Variants in GLT1D1 observed in about 807,000 individuals in gnomAD.
GLT1D1 encodes the protein glycosyltransferase 1 domain containing 1, also known as glycosyltransferase 1 domain-containing protein 1.
Under a neutral mutation model 28.7 loss-of-function variants are expected in GLT1D1, and 21 were observed. That is an observed-to-expected ratio of 0.73 (90% CI 0.52 to 1.05). The LOEUF is 1.05. GLT1D1 is among the 50% of genes least tolerant of loss of function. GLT1D1 has a pLI of 0.00. For synonymous variants in GLT1D1, 147 were observed against 124.8 expected, an observed-to-expected ratio of 1.18 and a Z score of -1.19; for missense variants, 343 against 330.6, an observed-to-expected ratio of 1.04 and a Z score of -0.29.
At chr12:128,868,950 A>G (rs1009262826) in intron 1 of GLT1D1, among the ~76,000 whole-genome samples, 2 of 151,954 alleles carry the variant, frequency 1.3e-5, no homozygotes, top group African/African-American at 2.4e-5. Context: ...GCTCACTGCA[A>G]CCACCGCCTG....
chr12:128,913,484 T>C (rs1192054788), intron 4 of GLT1D1, among the ~76,000 whole-genome samples: 4 of 152,192 alleles, frequency 2.6e-5, no homozygotes, highest in Non-Finnish European at 1.5e-5. Flanking sequence ...GCCTCCCAGA[T>C]TGCTGGGGTT....
intron 4 of GLT1D1, among the ~76,000 whole-genome samples, chr12:128,911,210 G>A (rs956545010): frequency 2.6e-5 from 4 of 152,314 alleles, no homozygotes; most frequent in Non-Finnish European, 4.4e-5. Flanking sequence ...GATCATATGG[G>A]TGAGCCACCA....
chr12:128,854,002 G>T (rs1402066244), intron 1 of GLT1D1, among the ~76,000 whole-genome samples: 3 of 151,998 alleles, frequency 2.0e-5, no homozygotes, highest in Non-Finnish European at 4.4e-5. Context: ...AGCGGGGTCC[G>T]CGGAGCTCCC....
chr12:128,931,252 C>T (rs1008212490), intron 4 of GLT1D1, among the ~76,000 whole-genome samples: 2 of 151,886 alleles, frequency 1.3e-5, no homozygotes, highest in African/African-American at 4.8e-5. Context: ...CTGCCTGCCT[C>T]GGCCTCCCAA....
At chr12:128,934,554 A>G (rs536956998) in intron 4 of GLT1D1, among the ~76,000 whole-genome samples, 3 of 152,000 alleles carry the variant, frequency 2.0e-5, no homozygotes, top group African/African-American at 7.2e-5. Flanking sequence ...CCTCTTGTCC[A>G]TTTCTCTCCT....
At chr12:128,901,562 A>G (rs555488366) in intron 4 of GLT1D1, among the ~76,000 whole-genome samples, 96 of 151,370 alleles carry the variant, frequency 6.3e-4, no homozygotes, top group African/African-American at 2.0e-3. Flanking sequence ...TCAGCCTCCC[A>G]AGTAGCTGGG....
At chr12:128,917,658 C>A (rs532061264) in intron 4 of GLT1D1, among the ~76,000 whole-genome samples, 1 of 152,318 alleles carries the variant, frequency 6.6e-6, no homozygotes, top group Admixed American at 6.5e-5. Context: ...CACCCCAAGT[C>A]TGTTTTCATG....
At chr12:128,924,974 A>C (rs911199538) in intron 4 of GLT1D1, among the ~76,000 whole-genome samples, 2 of 152,058 alleles carry the variant, frequency 1.3e-5, no homozygotes, top group Admixed American at 6.5e-5. Flanking sequence ...AAGCAGTCTT[A>C]GTGACAGCTT....
At chr12:128,969,258 T>G (rs925524568) in intron 7 of GLT1D1, among the ~76,000 whole-genome samples, 2 of 151,868 alleles carry the variant, frequency 1.3e-5, no homozygotes, top group African/African-American at 4.8e-5. Context: ...TACCTCTATC[T>G]CAGTCTCTAG....
At position 128,934,196 on chromosome 12, in the gene GLT1D1, G is replaced by GTTTTTTTTTTTTTTTTTTTTTTTT. The variant is rs1410503648; in HGVS notation, c.376-11129_376-11128insTTTTTTTTTTTTTTTTTTTTTTTT. On this transcript the variant is annotated intron_variant, in intron 4 of 7. Transcript: ENST00000281703. ...GACTTACTGTGTCTTCAAAGAGACAGTCTTTTTTTTTTTTTTTTTTTTTTT... is the reference window on the plus strand; with the variant it reads ...GACTTACTGTGTCTTCAAAGAGACAGTTTTTTTTTTTTTTTTTTTTTTTTTCTTTTTTTTTTTTTTTTTTTTTTT... 1.6e-5 allele frequency among the ~76,000 whole-genome samples: 2 copies of GTTTTTTTTTTTTTTTTTTTTTTTT among 128,686 alleles called. 1 individual carries two copies. 84.4% of individuals were successfully genotyped at this position (128,686 alleles called of 152,430 possible).
At chr12:128,890,066 G>A (rs970535404) in intron 3 of GLT1D1, among the ~76,000 whole-genome samples, 1 of 152,180 alleles carries the variant, frequency 6.6e-6, no homozygotes, top group Admixed American at 6.5e-5. Flanking sequence ...GAGATACCGT[G>A]CCCAGCCTGA....
intron 4 of GLT1D1, among the ~76,000 whole-genome samples, chr12:128,933,292 C>T (rs1320123810): frequency 6.6e-6 from 1 of 152,276 alleles, no homozygotes. Context: ...CGCCCGTGCG[C>T]AGGCGGAGCC....
chr12:128,876,861 C>G (rs987507581), intron 2 of GLT1D1, among the ~76,000 whole-genome samples: 3 of 152,192 alleles, frequency 2.0e-5, no homozygotes. Context: ...GGGCCCCAAG[C>G]TTTGGAAGTA....
intron 6 of GLT1D1, among the ~76,000 whole-genome samples, chr12:128,953,440 G>C (rs1876931976): frequency 1.3e-5 from 2 of 152,134 alleles, no homozygotes; most frequent in East Asian, 1.9e-4. Context: ...ATCTCCCAAA[G>C]TGCTGGAATT....
At chr12:128,912,209 T>C (rs2135885388) in intron 4 of GLT1D1, among the ~76,000 whole-genome samples, 1 of 152,340 alleles carries the variant, frequency 6.6e-6, no homozygotes, top group South Asian at 2.1e-4. Context: ...TCTTACCTTA[T>C]AGATGCTGTA....
At chr12:128,978,656 T>A (rs544107353) in intron 7 of GLT1D1, among the ~76,000 whole-genome samples, 1 of 152,262 alleles carries the variant, frequency 6.6e-6, no homozygotes, top group Admixed American at 6.5e-5. Flanking sequence ...CTTGGATCTG[T>A]CGCAAGGAAG....
At chr12:128,865,416 C>T (rs201687559) in intron 1 of GLT1D1, among the ~76,000 whole-genome samples, 9 of 152,110 alleles carry the variant, frequency 5.9e-5, no homozygotes, top group South Asian at 4.1e-4. Flanking sequence ...GATTATATCA[C>T]GGTAATGAAC....
intron 4 of GLT1D1, chr12:128,944,498 C>A: frequency 1.9e-6 from 2 of 1,056,784 alleles, no homozygotes; most frequent in Admixed American, 1.7e-5. Flanking sequence ...CCTGTCAGAG[C>A]ATCAATGCCC....
At chr12:128,978,953 TG>T (rs1389764038) in intron 7 of GLT1D1, among the ~76,000 whole-genome samples, 1 of 152,118 alleles carries the variant, frequency 6.6e-6, no homozygotes, top group Non-Finnish European at 1.5e-5. Flanking sequence ...TTGGTTTTGG[TG>T]GGTTTCCGCT....
Sources: gnomAD v4.1 joint callset for allele counts (sites outside exome capture counted in the v4.1 genomes callset) on GRCh38, gnomAD v4.1.1 for gene constraint, MANE v1.5 for transcripts, NCBI Gene and HGNC (gene_info 2026-07-23, HGNC 2026-07-21) for gene names.